GSE1: variants seen among roughly 807,000 people sequenced by gnomAD.
The protein encoded by GSE1 is Gse1 coiled-coil protein, also known as genetic suppressor element 1.
In GSE1, 32 loss-of-function variants were observed where a neutral mutation model predicts 112.6. The observed-to-expected ratio is 0.28, with a 90% CI of 0.21 to 0.38. The LOEUF is 0.38. Among genes scored for constraint, GSE1 ranks in the 10% least tolerant of loss-of-function variants. GSE1 has a pLI of 1.00. For missense variants in GSE1, 2,348 were observed against 1,699.2 expected (o/e 1.38, Z -6.71); for synonymous variants, 1,115 against 735.6 (o/e 1.52, Z -8.35).
rs186902237 is a variant in GSE1, at chr16:85,263,168, C to T, written c.2283+91361C>T. 3.2e-4 allele frequency among the ~76,000 whole-genome samples: 48 copies of T among 152,316 alleles called. No homozygotes were observed. The East Asian group carries it at 8.5e-3, about 27-fold the overall frequency. On this transcript the variant is annotated intron_variant, in intron 1 of 2. Transcript: ENST00000637419. ...AGTGCGGGAGGGAAGAGGGTTGTAGCTTCAAAGAGTGTGGTCAGAATAGGC... is the reference window on the plus strand; with the variant it reads ...AGTGCGGGAGGGAAGAGGGTTGTAGTTTCAAAGAGTGTGGTCAGAATAGGC...
chr16:85,613,449 C>T (rs759935507), intron 1 of GSE1, 51 bp downstream of exon 1: 4 of 1,486,700 alleles, frequency 2.7e-6, no homozygotes, highest in African/African-American at 1.4e-5. Context: ...CTCCCCCCAC[C>T]GCACTGTCCT....
upstream of GSE1, among the ~76,000 whole-genome samples, chr16:85,553,438 C>T (rs1481805749): frequency 6.6e-6 from 1 of 151,502 alleles, no homozygotes; most frequent in East Asian, 1.9e-4. Context: ...CAGAGGTTGG[C>T]GGCGGGCGCG....
At chr16:85,169,892 C>G in exon 1 of GSE1, 2 of 984,392 alleles carry the variant, frequency 2.0e-6, no homozygotes, top group Non-Finnish European at 2.4e-6. Flanking sequence ...CAGTGCGACG[C>G]GGGCGCAGGC....
intron 2 of GSE1, among the ~76,000 whole-genome samples, chr16:85,483,623 G>A (rs777597537): frequency 9.8e-5 from 15 of 152,286 alleles, no homozygotes; most frequent in East Asian, 1.9e-4. Flanking sequence ...GGGATCAAGT[G>A]TCTCCGAGGC....
rs72801170 is a variant in GSE1, at chr16:85,564,860, C to A, written c.37+8497C>A. ...AGAGATAGATGCATTAGGCCCAGTC[C>A]TTGTCCTCAGACAGCCAGGCGTGCG... On this transcript the variant is annotated intron_variant, in intron 1 of 2. Transcript: ENST00000635906. Among the ~76,000 whole-genome samples the A allele has an allele frequency of 3.5e-3, 536 of 152,322 alleles. 3 individuals carry two copies. Among genetic ancestry groups the A allele is most frequent in the Admixed American group, 7.7e-3 (118 of 15,310 alleles).
intron 1 of GSE1, among the ~76,000 whole-genome samples, chr16:85,619,106 C>T (rs531933886): frequency 3.9e-5 from 6 of 152,322 alleles, no homozygotes; most frequent in East Asian, 1.9e-4. Flanking sequence ...CAGACCCTGC[C>T]GGCCCCTCTG....
intron 1 of GSE1, among the ~76,000 whole-genome samples, chr16:85,585,206 C>G (rs1346468328): frequency 1.3e-5 from 2 of 152,230 alleles, no homozygotes; most frequent in African/African-American, 4.8e-5. Flanking sequence ...TGCAGGAACC[C>G]CTGCTGCAGC....
chr16:85,334,429 T>C (rs2046440294), intron 1 of GSE1, among the ~76,000 whole-genome samples: 1 of 152,206 alleles, frequency 6.6e-6, no homozygotes, highest in Non-Finnish European at 1.5e-5. Context: ...GTCCCGCACT[T>C]GGGCCCTTCT....
At chr16:85,639,775 G>C (rs990568311) in intron 2 of GSE1, among the ~76,000 whole-genome samples, 1 of 152,238 alleles carries the variant, frequency 6.6e-6, no homozygotes, top group African/African-American at 2.4e-5. Flanking sequence ...GTGTGACGAA[G>C]CCAGGGCTGC....
At chr16:85,238,353 C>A (rs1018432665) in intron 1 of GSE1, among the ~76,000 whole-genome samples, 1 of 152,256 alleles carries the variant, frequency 6.6e-6, no homozygotes, top group Non-Finnish European at 1.5e-5. Context: ...ACCAAGGCAG[C>A]CATCCAAGGG....
At chr16:85,228,836 C>T (rs1478176643) in intron 1 of GSE1, among the ~76,000 whole-genome samples, 3 of 152,200 alleles carry the variant, frequency 2.0e-5, no homozygotes, top group Admixed American at 6.5e-5. Context: ...GATTTGAGGC[C>T]ACCTTCTGCC....
chr16:85,626,735 A>G (rs1436897993), intron 1 of GSE1, among the ~76,000 whole-genome samples: 4 of 152,194 alleles, frequency 2.6e-5, no homozygotes, highest in Non-Finnish European at 5.9e-5. Context: ...GTGCCGGGGA[A>G]GAGCCGGGAT....
intron 1 of GSE1, among the ~76,000 whole-genome samples, chr16:85,306,589 C>T (rs538898417): frequency 4.7e-4 from 71 of 152,194 alleles, no homozygotes; most frequent in Admixed American, 7.2e-4. Flanking sequence ...TCCTCTGTCA[C>T]CCAGGCTGGA....
In GSE1 at chr16:85,419,268, G is replaced by A. The variant is rs553365534; in HGVS notation, c.2464+61625G>A. Among the ~76,000 whole-genome samples, 4 of 152,298 alleles carry A rather than the reference G, an allele frequency of 2.6e-5. No individual in the cohort carries two copies. Among genetic ancestry groups the A allele is most frequent in the South Asian group, 4.1e-4 (2 of 4,824 alleles). ...ACAAAAGGTTCACCTCATAGAGGGCGCTAGAGGCCACCTCAGGAGGCAACA... is the reference window on the plus strand; with the variant it reads ...ACAAAAGGTTCACCTCATAGAGGGCACTAGAGGCCACCTCAGGAGGCAACA... On this transcript the variant is annotated intron_variant, in intron 2 of 2. Coordinates refer to the GSE1 transcript ENST00000637419. This position sits in a 1 kb window ranked among gnomAD's most constrained non-coding sequence, Gnocchi z 6.5.
intron 1 of GSE1, among the ~76,000 whole-genome samples, chr16:85,622,084 A>G (rs2048776808): frequency 6.6e-6 from 1 of 152,140 alleles, no homozygotes; most frequent in African/African-American, 2.4e-5. Context: ...AATCATTTAG[A>G]CTTAAGCAGT....
At chr16:85,190,549 A>G (rs1288738544) in intron 1 of GSE1, among the ~76,000 whole-genome samples, 1 of 152,240 alleles carries the variant, frequency 6.6e-6, no homozygotes, top group Non-Finnish European at 1.5e-5. Flanking sequence ...TGAGAATCAC[A>G]AAACTGGGTG....
rs2053596845 is a variant in GSE1, at chr16:85,674,884, C to T, written c.*2345C>T. 6.5e-6 allele frequency: 1 copy of T among 152,710 alleles called. No homozygotes were observed. The highest frequency in any genetic ancestry group is 1.5e-5 in the Non-Finnish European group (1 of 68,058). 9.5% of individuals were successfully genotyped at this position (152,710 alleles called of 1,614,324 possible). A position where few individuals can be genotyped will look rare whatever the true frequency, so the allele number is the denominator to read the frequency against. ...TGCCCACTGTCTCCCCATCCTTCCA[C>T]CTACTTGTGGCGATCTGAGTACTCT... is the stretch of plus-strand genomic sequence containing the variant. On this transcript the variant is annotated 3_prime_UTR_variant, in exon 16 of 16. Coordinates refer to ENST00000253458, the MANE Select transcript of GSE1 (RefSeq NM_014615.5).
intron 1 of GSE1, chr16:85,593,427 C>T (rs1460381226): frequency 6.6e-6 from 1 of 152,470 alleles, no homozygotes; most frequent in Non-Finnish European, 1.5e-5. Context: ...CCTTGATTTC[C>T]CTCTCCCAGG....
intron 1 of GSE1, among the ~76,000 whole-genome samples, chr16:85,240,624 C>A (rs529342758): frequency 2.6e-5 from 4 of 152,274 alleles, no homozygotes; most frequent in Admixed American, 6.5e-5. Flanking sequence ...CAGACTTAAA[C>A]GAGATGGTGC....
Sources: allele counts gnomAD v4.1 joint callset (sites outside exome capture counted in the v4.1 genomes callset), GRCh38; gene constraint gnomAD v4.1.1; non-coding constraint Gnocchi (gnomAD v3.1); transcripts MANE v1.5; gene names NCBI Gene and HGNC (gene_info 2026-07-23, HGNC 2026-07-21).